The following NAALADL2 variants were observed in gnomAD, a reference collection of about 807,000 sequenced individuals.
NAALADL2 encodes the protein N-acetylated alpha-linked acidic dipeptidase like 2.
In NAALADL2, 76 loss-of-function variants were observed where a neutral mutation model predicts 87.2. That is an observed-to-expected ratio of 0.87 (90% CI 0.72 to 1.05). NAALADL2 has a LOEUF of 1.05. Among genes scored for constraint, NAALADL2 ranks in the 50% least tolerant of loss-of-function variants. NAALADL2 has a pLI of 0.00. For synonymous variants in NAALADL2, 354 were observed against 331.0 expected, an observed-to-expected ratio of 1.07 and a Z score of -0.75; for missense variants, 1,089 against 945.8, an observed-to-expected ratio of 1.15 and a Z score of -1.99.
rs181356659 is a variant in NAALADL2 at position 174,447,482 on chromosome 3, T to C, written c.-184+6450T>C. Among the ~76,000 whole-genome samples the C allele has an allele frequency of 1.1e-3, 169 of 152,318 alleles. 3 individuals carry two copies. The East Asian group carries it at 0.013, about 12-fold the overall frequency. ...GTAAGTTAAATATTCAGAACCACTA[T>C]TGAATGTGAATATGACATCCAGTGC... is the stretch of plus-strand genomic sequence containing the variant. On this transcript the variant is annotated intron_variant, in intron 1 of 3. Coordinates refer to the NAALADL2 transcript ENST00000434257.
At chr3:174,673,893 G>A (rs1036408446) in intron 2 of NAALADL2, among the ~76,000 whole-genome samples, 1 of 151,936 alleles carries the variant, frequency 6.6e-6, no homozygotes, top group African/African-American at 2.4e-5. Flanking sequence ...ATGTATGCAT[G>A]TATCAAAATA....
At chr3:174,472,493 C>T (rs1560003674) in intron 1 of NAALADL2, among the ~76,000 whole-genome samples, 2 of 151,996 alleles carry the variant, frequency 1.3e-5, no homozygotes, top group African/African-American at 4.8e-5. Flanking sequence ...TGAGTGTCAA[C>T]AAAAGAGGGA....
intron 1 of NAALADL2, among the ~76,000 whole-genome samples, chr3:174,933,385 G>T (rs1737207739): frequency 6.6e-6 from 1 of 152,220 alleles, no homozygotes; most frequent in East Asian, 1.9e-4. Flanking sequence ...TTACAAATGG[G>T]TCTTCCAGTT....
chr3:174,972,337 TG>T (rs1254923615), intron 1 of NAALADL2, among the ~76,000 whole-genome samples: 1 of 152,206 alleles, frequency 6.6e-6, no homozygotes, highest in Non-Finnish European at 1.5e-5. Flanking sequence ...AACCATTGAC[TG>T]GGTGGCTTAA....
At position 175,653,281 on chromosome 3, in the gene NAALADL2, T is replaced by C. The variant is rs77973617; in HGVS notation, c.1896+25895T>C. ...AATACACAGTAATTTCTGACTTTTT[T>C]GCTAATCCTTCTTCCACCATTTTCT... On this transcript the variant is annotated intron_variant, in intron 11 of 13. Coordinates refer to ENST00000454872, the MANE Select transcript of NAALADL2 (RefSeq NM_207015.3). Among the ~76,000 whole-genome samples, 301 of 152,264 alleles carry C rather than the reference T, an allele frequency of 2.0e-3. 2 individuals are homozygous for C. Among genetic ancestry groups the C allele is most frequent in the African/African-American group, 6.7e-3 (278 of 41,536 alleles).
intron 2 of NAALADL2, among the ~76,000 whole-genome samples, chr3:175,220,308 TA>T (rs1173537236): frequency 1.4e-5 from 2 of 144,672 alleles, no homozygotes. Context: ...TTGAAATATG[TA>T]AAACAATCTA....
At chr3:175,326,609 G>A (rs987173528) in intron 5 of NAALADL2, among the ~76,000 whole-genome samples, 11 of 152,124 alleles carry the variant, frequency 7.2e-5, no homozygotes, top group East Asian at 1.9e-4. Flanking sequence ...TATAAAGAGC[G>A]GAGATTTGTT....
intron 1 of NAALADL2, among the ~76,000 whole-genome samples, chr3:174,527,079 C>T (rs1471246734): frequency 6.6e-6 from 1 of 152,160 alleles, no homozygotes. Flanking sequence ...TATATCTACA[C>T]AGTAGAGGGT....
intron 1 of NAALADL2, among the ~76,000 whole-genome samples, chr3:174,904,171 C>G (rs1003170373): frequency 6.6e-6 from 1 of 151,642 alleles, no homozygotes; most frequent in African/African-American, 2.4e-5. Context: ...TATTTGGGAT[C>G]AGTAAGGGGC....
chr3:175,315,293 T>A (rs150343560), intron 4 of NAALADL2, among the ~76,000 whole-genome samples: 89 of 152,290 alleles, frequency 5.8e-4, no homozygotes, highest in African/African-American at 2.0e-3. Context: ...AGTTAAGCAC[T>A]TAGTGATTCT....
At chr3:174,962,774 A>G (rs181316042) in intron 1 of NAALADL2, among the ~76,000 whole-genome samples, 178 of 152,194 alleles carry the variant, frequency 1.2e-3, no homozygotes, top group African/African-American at 4.2e-3. Flanking sequence ...AAGTGGGCTA[A>G]GAGAAAAGTT....
chr3:175,618,581 G>C lies in NAALADL2; in HGVS notation c.1801-8710G>C, dbSNP rs371868873. Among the ~76,000 whole-genome samples the C allele has an allele frequency of 1.8e-4, 28 of 152,294 alleles. No homozygotes were observed. The South Asian group carries it at 5.4e-3, about 29-fold the overall frequency. The stretch of plus-strand genomic sequence containing the variant: ...TTCAGCATGCACTTGAGGAGTGCAG[G>C]CTGAAGAAGGTTGCTTATTCATCTG... On this transcript the variant is annotated intron_variant, in intron 10 of 13. Coordinates refer to ENST00000454872, the MANE Select transcript of NAALADL2 (RefSeq NM_207015.3).
intron 2 of NAALADL2, among the ~76,000 whole-genome samples, chr3:175,162,383 G>T (rs1203839201): frequency 2.6e-5 from 4 of 152,026 alleles, no homozygotes; most frequent in Admixed American, 2.0e-4. Context: ...GCAAACTACA[G>T]GTTGAAGTCG....
At position 175,197,834 on chromosome 3, in the gene NAALADL2, C is replaced by T. The variant is rs1739244813; in HGVS notation, c.546-36097C>T. On this transcript the variant is annotated intron_variant, in intron 2 of 13. Transcript: ENST00000454872. ...ATTGAGAGTAAAGGCAGGAAGCCAA[C>T]AAGAATGAAATATTGAGAAAATTAC... is the stretch of plus-strand genomic sequence containing the variant. 2.0e-5 allele frequency among the ~76,000 whole-genome samples: 3 copies of T among 151,912 alleles called. No individual in the cohort carries two copies. In the South Asian group the frequency reaches 6.2e-4, roughly 31 times the overall value.
intron 2 of NAALADL2, among the ~76,000 whole-genome samples, chr3:174,624,395 G>T (rs1319774834): frequency 6.6e-6 from 1 of 152,194 alleles, no homozygotes; most frequent in South Asian, 2.1e-4. Flanking sequence ...AGGCGGAGGC[G>T]GGTGGATCAT....
At chr3:174,578,590 G>A (rs540297917) in intron 2 of NAALADL2, among the ~76,000 whole-genome samples, 4 of 151,948 alleles carry the variant, frequency 2.6e-5, no homozygotes, top group African/African-American at 9.7e-5. Flanking sequence ...TTTTGGAAGG[G>A]TAGATTTATA....
At chr3:175,725,596 G>A (rs1049917149) in intron 11 of NAALADL2, among the ~76,000 whole-genome samples, 1 of 151,956 alleles carries the variant, frequency 6.6e-6, no homozygotes, top group Admixed American at 6.6e-5. Context: ...ATTGGCCACT[G>A]GTATTCCCTA....
chr3:175,573,171 G>C (rs62285564), intron 9 of NAALADL2, among the ~76,000 whole-genome samples: 17,363 of 152,026 alleles, frequency 0.11, 1,185 homozygotes, highest in Middle Eastern at 0.17. Context: ...AAAAAATTTC[G>C]ATCTAAGGAG....
chr3:174,988,148 T>C (rs1322204765), intron 1 of NAALADL2, among the ~76,000 whole-genome samples: 2 of 151,916 alleles, frequency 1.3e-5, no homozygotes. Context: ...AGGAATTGAG[T>C]TCTGCTCATG....
Sources: gnomAD v4.1 joint callset for allele counts (sites outside exome capture counted in the v4.1 genomes callset) on GRCh38, gnomAD v4.1.1 for gene constraint, MANE v1.5 for transcripts, NCBI Gene and HGNC (gene_info 2026-07-23, HGNC 2026-07-21) for gene names.